The following AUTS2 variants were observed in gnomAD, a reference collection of about 807,000 sequenced individuals.
AUTS2 encodes autism susceptibility gene 2 protein.
A neutral mutation model predicts 112.4 loss-of-function variants in AUTS2; 17 were observed. The ratio of observed to expected loss-of-function variants is 0.15; its 90% CI spans 0.10 to 0.23. AUTS2 has a LOEUF of 0.23. AUTS2 is among the 10% of genes least tolerant of loss of function. The probability of loss-of-function intolerance (pLI) is 1.00; values close to 1 mark genes in which losing one functional copy is unlikely to be tolerated. For missense variants in AUTS2, 1,510 were observed against 1,701.6 expected (o/e 0.89, Z 1.98); for synonymous variants, 751 against 702.7 (o/e 1.07, Z -1.09).
At chr7:70,733,736 G>A (rs1262589502) in intron 6 of AUTS2, among the ~76,000 whole-genome samples, 11 of 151,946 alleles carry the variant, frequency 7.2e-5, no homozygotes, top group Middle Eastern at 3.4e-3. Flanking sequence ...ACAGGCGCCC[G>A]CCACCACACC....
Position 69,908,585 on chromosome 7 carries a change from G to T in AUTS2, c.522+9087G>T, listed in dbSNP as rs182520158. The stretch of plus-strand genomic sequence containing the variant: ...ATGAGCTGTGCCATGTGGCCTTCTG[G>T]AACATTATACCTGCATTCATTGATC... On this transcript the variant is annotated intron_variant, in intron 2 of 18. Coordinates refer to ENST00000342771, the MANE Select transcript of AUTS2 (RefSeq NM_015570.4). Among the ~76,000 whole-genome samples the T allele has an allele frequency of 2.0e-5, 3 of 152,266 alleles. No individual in the cohort carries two copies. In the East Asian group the frequency reaches 5.8e-4, roughly 29 times the overall value.
In AUTS2 at chr7:70,310,333, G is replaced by A. The variant is rs557835344; in HGVS notation, c.661-125419G>A. Among the ~76,000 whole-genome samples, 15 of 152,162 alleles carry A rather than the reference G, an allele frequency of 9.9e-5. No homozygotes were observed. In the East Asian group the frequency reaches 1.2e-3, roughly 12 times the overall value. On this transcript the variant is annotated intron_variant, in intron 4 of 18. Transcript: ENST00000342771. ...ACTAAGAAATAAGTCAGCTGAGGCC[G>A]GACGCGGTGGCTCACGCCTGTAATC...
chr7:70,591,143 AC>A (rs1319498968), intron 5 of AUTS2, among the ~76,000 whole-genome samples: 4 of 110,094 alleles, frequency 3.6e-5, no homozygotes, highest in Non-Finnish European at 6.7e-5. Context: ...GCTGATACCC[AC>A]CCCACCTGTC....
intron 1 of AUTS2, among the ~76,000 whole-genome samples, chr7:69,854,945 T>A (rs1268761712): frequency 6.6e-6 from 1 of 152,180 alleles, no homozygotes; most frequent in Non-Finnish European, 1.5e-5. Flanking sequence ...TGGTTTAATT[T>A]TGGGGAAGAT....
intron 1 of AUTS2, among the ~76,000 whole-genome samples, chr7:69,885,191 C>T (rs532991694): frequency 2.5e-4 from 38 of 152,146 alleles, no homozygotes; most frequent in Middle Eastern, 3.4e-3. Flanking sequence ...TTTTGTGCCG[C>T]GAGTATTTAT....
Position 70,328,687 on chromosome 7 carries a change from C to G in AUTS2, c.661-107065C>G, listed in dbSNP as rs933538159. 3.3e-5 allele frequency among the ~76,000 whole-genome samples: 5 copies of G among 152,128 alleles called. No individual in the cohort carries two copies. The East Asian group carries it at 9.6e-4, about 29-fold the overall frequency. On this transcript the variant is annotated intron_variant, in intron 4 of 18. Transcript: ENST00000342771. ...GCAAATAAGCAATAAGTAAAATTAA[C>G]CACATTCAGCAGTAAAGAATGATTT...
chr7:69,952,738 A>G (rs1031507354), intron 2 of AUTS2, among the ~76,000 whole-genome samples: 1 of 152,180 alleles, frequency 6.6e-6, no homozygotes, highest in East Asian at 1.9e-4. Flanking sequence ...CCTGCCTTTC[A>G]TATCTATTCA....
chr7:70,208,456 C>G (rs1289982260), intron 4 of AUTS2, among the ~76,000 whole-genome samples: 1 of 152,080 alleles, frequency 6.6e-6, no homozygotes, highest in African/African-American at 2.4e-5. Flanking sequence ...AGAGTAATTG[C>G]ATGTCATCCT....
intron 1 of AUTS2, among the ~76,000 whole-genome samples, chr7:69,676,942 A>G (rs1796593246): frequency 1.3e-5 from 2 of 152,054 alleles, no homozygotes; most frequent in Admixed American, 6.6e-5. Flanking sequence ...GCTTTTCAAG[A>G]ACACACAGCT....
chr7:70,263,750 T>C (rs1787279316), intron 4 of AUTS2, among the ~76,000 whole-genome samples: 1 of 152,208 alleles, frequency 6.6e-6, no homozygotes, highest in Admixed American at 6.5e-5. Flanking sequence ...TGCTTTTGAT[T>C]CTTCCCAGAA....
chr7:69,754,995 G>A (rs187948745), intron 1 of AUTS2, among the ~76,000 whole-genome samples: 36 of 152,182 alleles, frequency 2.4e-4, no homozygotes, highest in African/African-American at 8.2e-4. Context: ...GTAAGGACTA[G>A]TCTGTTAATA....
At chr7:69,970,930 T>C (rs1388834105) in intron 2 of AUTS2, among the ~76,000 whole-genome samples, 2 of 152,192 alleles carry the variant, frequency 1.3e-5, no homozygotes, top group African/African-American at 2.4e-5. Flanking sequence ...CCCAGCACTT[T>C]GGGAGGCCAA....
At chr7:70,057,507 A>G (rs911231344) in intron 2 of AUTS2, among the ~76,000 whole-genome samples, 1 of 152,222 alleles carries the variant, frequency 6.6e-6, no homozygotes, top group African/African-American at 2.4e-5. Flanking sequence ...ATGAAATTGC[A>G]AAGGAATGGT....
chr7:69,727,688 T>G (rs1786584322), intron 1 of AUTS2, among the ~76,000 whole-genome samples: 1 of 152,214 alleles, frequency 6.6e-6, no homozygotes, highest in Non-Finnish European at 1.5e-5. Flanking sequence ...ACTGATTTAT[T>G]TGTCTGTCAT....
intron 1 of AUTS2, among the ~76,000 whole-genome samples, chr7:69,611,075 C>T (rs1177132869): frequency 6.6e-6 from 1 of 152,066 alleles, no homozygotes; most frequent in Non-Finnish European, 1.5e-5. Context: ...GTAAATTTAC[C>T]CTTTTTATTT....
chr7:70,184,001 T>G (rs1321948368), intron 4 of AUTS2, among the ~76,000 whole-genome samples: 1 of 152,126 alleles, frequency 6.6e-6, no homozygotes, highest in Non-Finnish European at 1.5e-5. Context: ...TGGGGAGGTA[T>G]CTATTGTAGT....
intron 3 of AUTS2, among the ~76,000 whole-genome samples, chr7:70,131,062 T>C (rs555160853): frequency 2.6e-5 from 4 of 152,296 alleles, no homozygotes; most frequent in Non-Finnish European, 5.9e-5. Flanking sequence ...CTCACAGCCT[T>C]TTCAGTATTC....
chr7:70,448,507 G>A (rs1477922865), intron 5 of AUTS2, among the ~76,000 whole-genome samples: 1 of 152,146 alleles, frequency 6.6e-6, no homozygotes, highest in Non-Finnish European at 1.5e-5. Context: ...ATTACCATAG[G>A]TCCAGGGGAT....
At chr7:70,303,424 G>A (rs11762035) in intron 4 of AUTS2, among the ~76,000 whole-genome samples, 9,144 of 124,354 alleles carry the variant, frequency 0.074, 371 homozygotes, top group African/African-American at 0.13. Context: ...ACACACACAC[G>A]CGCGCGCGCG....
Sources: gnomAD v4.1 joint callset for allele counts (sites outside exome capture counted in the v4.1 genomes callset) on GRCh38, gnomAD v4.1.1 for gene constraint, MANE v1.5 for transcripts, NCBI Gene and HGNC (gene_info 2026-07-23, HGNC 2026-07-21) for gene names.